The following PTPRK variants were observed in gnomAD, a reference collection of about 807,000 sequenced individuals.
The protein encoded by PTPRK is protein tyrosine phosphatase receptor type K, also known as receptor-type tyrosine-protein phosphatase kappa.
In PTPRK, 75 loss-of-function variants were observed where a neutral mutation model predicts 178.0. The observed-to-expected ratio is 0.42, with a 90% CI of 0.35 to 0.51. The LOEUF (loss-of-function observed/expected upper bound fraction) is 0.51, where lower values mean the gene tolerates loss of function less well. PTPRK is among the 20% of genes least tolerant of loss of function. The pLI, the probability that PTPRK is intolerant of heterozygous loss-of-function variation, is 0.02. For synonymous variants in PTPRK, 637 were observed against 620.6 expected, an observed-to-expected ratio of 1.03 and a Z score of -0.39; for missense variants, 1,441 against 1,797.8, an observed-to-expected ratio of 0.80 and a Z score of 3.59.
At chr6:128,167,135 G>A (rs1286391225) in intron 7 of PTPRK, among the ~76,000 whole-genome samples, 3 of 151,094 alleles carry the variant, frequency 2.0e-5, no homozygotes, top group African/African-American at 4.8e-5. Flanking sequence ...AAATATAAAT[G>A]AAAAACTCAC....
At chr6:128,158,219 T>A (rs776986282) in intron 7 of PTPRK, among the ~76,000 whole-genome samples, 37 of 151,680 alleles carry the variant, frequency 2.4e-4, no homozygotes, top group Non-Finnish European at 4.9e-4. Context: ...ATGAGAACAC[T>A]TGGACACAGG....
At chr6:128,186,690 G>A (rs1802819023) in intron 6 of PTPRK, among the ~76,000 whole-genome samples, 1 of 152,020 alleles carries the variant, frequency 6.6e-6, no homozygotes. Context: ...GAAAGACAGA[G>A]CTAGACATTT....
chr6:128,039,695 T>G (rs987121738), intron 13 of PTPRK, among the ~76,000 whole-genome samples: 1 of 152,192 alleles, frequency 6.6e-6, no homozygotes, highest in Non-Finnish European at 1.5e-5. Flanking sequence ...GGAACTGTCA[T>G]GAGAAGGGTC....
intron 1 of PTPRK, among the ~76,000 whole-genome samples, chr6:128,474,602 T>C (rs796876856): frequency 5.3e-5 from 8 of 152,174 alleles, no homozygotes; most frequent in African/African-American, 1.7e-4. Context: ...CATCAAAATA[T>C]AAAAGTTTTC....
intron 7 of PTPRK, among the ~76,000 whole-genome samples, chr6:128,182,237 A>G (rs1802027264): frequency 6.6e-6 from 1 of 152,164 alleles, no homozygotes; most frequent in Non-Finnish European, 1.5e-5. Flanking sequence ...AGAATCAGAT[A>G]AAAAGACAGT....
chr6:128,409,353 C>T (rs1337268883), intron 1 of PTPRK: 2 of 453,892 alleles, frequency 4.4e-6, no homozygotes, highest in Non-Finnish European at 8.8e-6. Context: ...AATCAGAATG[C>T]AAAATAGATT....
intron 6 of PTPRK, among the ~76,000 whole-genome samples, chr6:128,207,803 AC>A (rs1807240353): frequency 6.6e-6 from 1 of 152,166 alleles, no homozygotes; most frequent in African/African-American, 2.4e-5. Context: ...TAAGTATCTT[AC>A]CCACCCATTT....
At chr6:128,144,014 T>A (rs797016971) in intron 7 of PTPRK, among the ~76,000 whole-genome samples, 1 of 152,186 alleles carries the variant, frequency 6.6e-6, no homozygotes, top group Non-Finnish European at 1.5e-5. Context: ...TTATATCTCC[T>A]CTCTTAATTA....
chr6:128,358,670 A>C (rs942953534), intron 2 of PTPRK, among the ~76,000 whole-genome samples: 2 of 152,210 alleles, frequency 1.3e-5, no homozygotes, highest in African/African-American at 2.4e-5. Flanking sequence ...TAGAAGTGAG[A>C]TGTCTTTCTA....
At chr6:128,111,449 G>A (rs921065907) in intron 7 of PTPRK, among the ~76,000 whole-genome samples, 1 of 152,128 alleles carries the variant, frequency 6.6e-6, no homozygotes, top group Admixed American at 6.6e-5. Context: ...AGAAAAAACA[G>A]ACTAGCTGTA....
chr6:128,251,717 T>C (rs1816485671), intron 3 of PTPRK, among the ~76,000 whole-genome samples: 1 of 152,172 alleles, frequency 6.6e-6, no homozygotes. Flanking sequence ...CATAATTCTA[T>C]GTATCCATAT....
At chr6:128,067,173 G>A (rs1781931768) in intron 12 of PTPRK, among the ~76,000 whole-genome samples, 1 of 152,192 alleles carries the variant, frequency 6.6e-6, no homozygotes, top group South Asian at 2.1e-4. Flanking sequence ...CCACCACTGA[G>A]CAAGGAAGAC....
intron 1 of PTPRK, among the ~76,000 whole-genome samples, chr6:128,400,092 G>A (rs1395103801): frequency 6.6e-6 from 1 of 152,082 alleles, no homozygotes; most frequent in Non-Finnish European, 1.5e-5. Context: ...GATAGGAAAT[G>A]CAAAAATAAC....
At chr6:128,294,002 T>C (rs1459642639) in intron 3 of PTPRK, among the ~76,000 whole-genome samples, 1 of 152,172 alleles carries the variant, frequency 6.6e-6, no homozygotes, top group Non-Finnish European at 1.5e-5. Context: ...TTTGTGCTTA[T>C]AGCTGTAGAT....
At chr6:128,296,567 A>G (rs1006578485) in intron 3 of PTPRK, among the ~76,000 whole-genome samples, 1 of 152,232 alleles carries the variant, frequency 6.6e-6, no homozygotes, top group African/African-American at 2.4e-5. Flanking sequence ...GGGGGCCAAT[A>G]TTCAACATTC....
At position 128,015,984 on chromosome 6, in the gene PTPRK, ATGACCTTT is replaced by A. The variant is rs1779548407; in HGVS notation, c.2195-6724_2195-6717del. ...TAATACATATTTGATTACTACTAAA[ATGACCTTT>A]TGAGATACCTGAAATATCTCTACCT... On this transcript the variant is annotated intron_variant, in intron 13 of 29. Transcript: ENST00000368226. Among the ~76,000 whole-genome samples the A allele has an allele frequency of 2.0e-5, 3 of 151,946 alleles. 1 individual carries two copies. In the South Asian group the frequency reaches 6.2e-4, roughly 31 times the overall value.
chr6:128,203,913 G>GA (rs1043718562), intron 6 of PTPRK, among the ~76,000 whole-genome samples: 1 of 151,842 alleles, frequency 6.6e-6, no homozygotes, highest in Non-Finnish European at 1.5e-5. Flanking sequence ...CATAAAATTA[G>GA]AAAAAAACTA....
chr6:128,494,698 C>A (rs1284804971), intron 1 of PTPRK, among the ~76,000 whole-genome samples: 1 of 152,194 alleles, frequency 6.6e-6, no homozygotes, highest in African/African-American at 2.4e-5. Context: ...TGGCACCACG[C>A]CGTCATGCAA....
chr6:128,264,161 G>T (rs528250949), intron 3 of PTPRK, among the ~76,000 whole-genome samples: 1 of 152,122 alleles, frequency 6.6e-6, no homozygotes, highest in Non-Finnish European at 1.5e-5. Context: ...TCCAGTTAAC[G>T]AAGAAGATGC....
Sources: gnomAD v4.1 joint callset for allele counts (sites outside exome capture counted in the v4.1 genomes callset) on GRCh38, gnomAD v4.1.1 for gene constraint, MANE v1.5 for transcripts, NCBI Gene and HGNC (gene_info 2026-07-23, HGNC 2026-07-21) for gene names.